EXOC4: variants seen among roughly 807,000 people sequenced by gnomAD.
EXOC4 encodes the protein SEC8-like 1.
A neutral mutation model predicts 107.2 loss-of-function variants in EXOC4; 71 were observed. That is an observed-to-expected ratio of 0.66 (90% CI 0.55 to 0.81). EXOC4 has a LOEUF of 0.81. EXOC4 is among the 30% of genes least tolerant of loss of function. EXOC4 has a pLI of 0.00. For synonymous variants in EXOC4, 456 were observed against 441.2 expected (o/e 1.03, Z -0.42); for missense variants, 1,108 against 1,189.6 (o/e 0.93, Z 1.01).
chr7:134,021,116 T>G (rs1423461429), intron 17 of EXOC4, among the ~76,000 whole-genome samples: 1 of 152,204 alleles, frequency 6.6e-6, no homozygotes, highest in Non-Finnish European at 1.5e-5. Flanking sequence ...CCTCAACTCC[T>G]AGCTCTCAAA....
intron 4 of EXOC4, among the ~76,000 whole-genome samples, chr7:133,308,623 C>T (rs973270779): frequency 6.6e-6 from 1 of 151,844 alleles, no homozygotes; most frequent in Non-Finnish European, 1.5e-5. Context: ...GGATCAGAAG[C>T]AATAATTAGA....
chr7:133,678,213 T>G (rs1403204468), intron 10 of EXOC4, among the ~76,000 whole-genome samples: 1 of 152,216 alleles, frequency 6.6e-6, no homozygotes, highest in Non-Finnish European at 1.5e-5. Flanking sequence ...GCACCATAGA[T>G]TGACTGCTTT....
chr7:133,571,926 C>G (rs932483742), intron 9 of EXOC4, among the ~76,000 whole-genome samples: 1 of 152,112 alleles, frequency 6.6e-6, no homozygotes, highest in Admixed American at 6.5e-5. Context: ...TAATCACTTC[C>G]GAAAGGCACT....
At chr7:133,537,440 C>T (rs964420161) in intron 9 of EXOC4, among the ~76,000 whole-genome samples, 27 of 152,028 alleles carry the variant, frequency 1.8e-4, no homozygotes, top group African/African-American at 5.3e-4. Flanking sequence ...ATTACAGGCA[C>T]GAGCCACCAC....
chr7:133,300,650 G>A (rs1196758715), intron 3 of EXOC4, among the ~76,000 whole-genome samples: 1 of 152,114 alleles, frequency 6.6e-6, no homozygotes, highest in Non-Finnish European at 1.5e-5. Context: ...ATATATTGTG[G>A]TATATTCTAC....
chr7:133,459,911 T>C (rs1584934013), intron 7 of EXOC4, among the ~76,000 whole-genome samples: 1 of 152,212 alleles, frequency 6.6e-6, no homozygotes, highest in East Asian at 1.9e-4. Context: ...TTTATGAGTA[T>C]ATATTGCTTT....
intron 3 of EXOC4, among the ~76,000 whole-genome samples, chr7:133,295,880 G>T (rs886695463): frequency 6.6e-6 from 1 of 152,076 alleles, no homozygotes; most frequent in African/African-American, 2.4e-5. Context: ...GAAAAGTATC[G>T]ATGTGAAAGC....
At chr7:133,738,206 C>T (rs1795489539) in intron 10 of EXOC4, among the ~76,000 whole-genome samples, 1 of 151,934 alleles carries the variant, frequency 6.6e-6, no homozygotes. Flanking sequence ...GCCACCAGTG[C>T]CGAGCCCTGC....
chr7:133,588,452 C>T (rs557111774), intron 9 of EXOC4, among the ~76,000 whole-genome samples: 2 of 152,232 alleles, frequency 1.3e-5, no homozygotes, highest in Admixed American at 6.5e-5. Flanking sequence ...AATTTGCTTA[C>T]CATTAAGAAA....
At chr7:133,743,643 A>G (rs1795614097) in intron 10 of EXOC4, among the ~76,000 whole-genome samples, 1 of 106,946 alleles carries the variant, frequency 9.4e-6, no homozygotes, top group South Asian at 3.9e-4. Context: ...TGAAACCATG[A>G]AATTAGTCAA....
Position 133,429,071 on chromosome 7 carries a change from G to A in EXOC4, c.1183-46257G>A, listed in dbSNP as rs1262554270. On this transcript the variant is annotated intron_variant, in intron 7 of 17. Transcript: ENST00000253861. Reference sequence around the variant, plus strand: ...CAAGAGAGGCGTGGTTTGAGAATAGGGATTGAGGTGATTGACAGCACGGGT... The same window carrying A: ...CAAGAGAGGCGTGGTTTGAGAATAGAGATTGAGGTGATTGACAGCACGGGT... Among the ~76,000 whole-genome samples, 6 of 152,198 alleles carry A rather than the reference G, an allele frequency of 3.9e-5. No individual in the cohort carries two copies. In the East Asian group the frequency reaches 1.2e-3, roughly 29 times the overall value.
chr7:133,713,489 T>G (rs1175671556), intron 10 of EXOC4, among the ~76,000 whole-genome samples: 1 of 152,218 alleles, frequency 6.6e-6, no homozygotes, highest in Non-Finnish European at 1.5e-5. Flanking sequence ...GTAAGATAGA[T>G]ATCATCTAGA....
chr7:133,360,336 A>G (rs1206318141), intron 6 of EXOC4, among the ~76,000 whole-genome samples: 1 of 152,238 alleles, frequency 6.6e-6, no homozygotes, highest in Non-Finnish European at 1.5e-5. Flanking sequence ...GAAGAAAAGA[A>G]TGTGGGAAAA....
Position 133,307,389 on chromosome 7 carries a change from C to T in EXOC4, c.656+1328C>T, listed in dbSNP as rs546703826. Among the ~76,000 whole-genome samples, 5 of 152,244 alleles carry T rather than the reference C, an allele frequency of 3.3e-5. No homozygotes were observed. In the East Asian group the frequency reaches 7.7e-4, roughly 23 times the overall value. The stretch of plus-strand genomic sequence containing the variant: ...TAGGGGAAGTGCTAAGGCATTCTTT[C>T]GACAATGCCTGCTGATAAATAGCAG... On this transcript the variant is annotated intron_variant, in intron 4 of 17. Transcript: ENST00000253861.
intron 5 of EXOC4, among the ~76,000 whole-genome samples, chr7:133,339,236 T>TTGTG (rs779486644): frequency 5.9e-5 from 9 of 151,806 alleles, no homozygotes; most frequent in African/African-American, 2.2e-4. Context: ...TTCCATGGTT[T>TTGTG]TGTGTGTGTG....
chr7:133,896,526 T>C (rs967923844), intron 12 of EXOC4, among the ~76,000 whole-genome samples: 34 of 150,454 alleles, frequency 2.3e-4, no homozygotes, highest in African/African-American at 1.5e-4. Context: ...GAGAAAGGGG[T>C]TGTAGTCGGG....
intron 10 of EXOC4, among the ~76,000 whole-genome samples, chr7:133,705,782 C>G (rs1794755880): frequency 1.3e-5 from 2 of 152,164 alleles, no homozygotes; most frequent in Admixed American, 1.3e-4. Flanking sequence ...AGGAATGATT[C>G]ATATCCTGGA....
In EXOC4 at chr7:133,626,232, G is replaced by T. The variant is rs139466179; in HGVS notation, c.1418-3813G>T. Among the ~76,000 whole-genome samples, 52 of 152,044 alleles carry T rather than the reference G, an allele frequency of 3.4e-4. No homozygotes were observed. The East Asian group carries it at 7.2e-3, about 21-fold the overall frequency. On this transcript the variant is annotated intron_variant, in intron 9 of 17. Coordinates refer to ENST00000253861, the MANE Select transcript of EXOC4 (RefSeq NM_021807.4). ...CAAAAAAAAAAGGTTCCTGACAGTAGGTCCCAGGTTATTTGATCATGAGAA... is the reference window on the plus strand; with the variant it reads ...CAAAAAAAAAAGGTTCCTGACAGTATGTCCCAGGTTATTTGATCATGAGAA...
At chr7:133,811,239 G>A (rs1184959142) in intron 10 of EXOC4, among the ~76,000 whole-genome samples, 1 of 152,102 alleles carries the variant, frequency 6.6e-6, no homozygotes, top group Non-Finnish European at 1.5e-5. Context: ...TTTTGACAGG[G>A]CTCCATCTGT....
Sources: allele counts gnomAD v4.1 joint callset (sites outside exome capture counted in the v4.1 genomes callset), GRCh38; gene constraint gnomAD v4.1.1; transcripts MANE v1.5; gene names NCBI Gene and HGNC (gene_info 2026-07-23, HGNC 2026-07-21).